The following ADAMTS17 variants were observed in gnomAD, a reference collection of about 807,000 sequenced individuals.
The protein encoded by ADAMTS17 is A disintegrin and metalloproteinase with thrombospondin motifs 17.
ADAMTS17 carries 113 observed loss-of-function variants against 141.5 expected under a neutral mutation model. The observed-to-expected ratio is 0.80, with a 90% confidence interval of 0.69 to 0.93. The LOEUF (loss-of-function observed/expected upper bound fraction) is 0.93, where lower values mean the gene tolerates loss of function less well. ADAMTS17 is among the 40% of genes least tolerant of loss of function. The probability of loss-of-function intolerance (pLI) is 0.00; values close to 1 mark genes in which losing one functional copy is unlikely to be tolerated. For missense variants in ADAMTS17, 1,659 were observed against 1,517.9 expected (o/e 1.09, Z -1.54); for synonymous variants, 768 against 630.6 (o/e 1.22, Z -3.27).
chr15:100,317,602 A>T (rs2045605396), intron 3 of ADAMTS17, among the ~76,000 whole-genome samples: 1 of 152,140 alleles, frequency 6.6e-6, no homozygotes, highest in Non-Finnish European at 1.5e-5. Context: ...CACGCAAGAA[A>T]CACCATGCGA....
chr15:100,161,131 C>A (rs60130886), intron 8 of ADAMTS17, among the ~76,000 whole-genome samples: 1 of 152,168 alleles, frequency 6.6e-6, no homozygotes, highest in Admixed American at 6.5e-5. Context: ...ATGGCCTTGA[C>A]TTGATTTTAT....
intron 20 of ADAMTS17, among the ~76,000 whole-genome samples, chr15:99,981,088 G>C (rs2060474482): frequency 1.3e-5 from 2 of 152,204 alleles, no homozygotes; most frequent in Admixed American, 1.3e-4. Context: ...GAGTGGTCCA[G>C]GGACCCCATC....
intron 14 of ADAMTS17, among the ~76,000 whole-genome samples, chr15:100,100,326 T>C (rs1422916148): frequency 6.6e-6 from 1 of 152,162 alleles, no homozygotes; most frequent in Non-Finnish European, 1.5e-5. Context: ...TTCCGATTTT[T>C]CATTTTCTTG....
intron 7 of ADAMTS17, among the ~76,000 whole-genome samples, chr15:100,234,793 G>A (rs1053286049): frequency 6.6e-6 from 1 of 152,184 alleles, no homozygotes; most frequent in Non-Finnish European, 1.5e-5. Flanking sequence ...ATCAGCAGCT[G>A]AGCCAGGGTG....
chr15:100,043,926 G>A (rs944801901), intron 18 of ADAMTS17, among the ~76,000 whole-genome samples: 4 of 152,210 alleles, frequency 2.6e-5, no homozygotes, highest in Admixed American at 6.5e-5. Context: ...GTTATCTATC[G>A]TAGGCTTAGC....
intron 7 of ADAMTS17, among the ~76,000 whole-genome samples, chr15:100,231,216 T>C (rs1441210826): frequency 6.6e-6 from 1 of 152,258 alleles, no homozygotes; most frequent in Non-Finnish European, 1.5e-5. Context: ...CTTCAAATTC[T>C]GAACTCATGC....
chr15:100,129,835 C>G (rs969149035), intron 12 of ADAMTS17: 1 of 152,314 alleles, frequency 6.6e-6, no homozygotes, highest in Non-Finnish European at 1.5e-5. Context: ...TGTCCGCTCC[C>G]TCTAGTGGGC....
At chr15:100,137,397 A>G (rs558868581) in intron 10 of ADAMTS17, among the ~76,000 whole-genome samples, 28 of 152,172 alleles carry the variant, frequency 1.8e-4, no homozygotes, top group Non-Finnish European at 3.2e-4. Context: ...GAAAACTGAG[A>G]TATAAGAACT....
At chr15:100,047,538 C>T (rs558424450) in intron 18 of ADAMTS17, among the ~76,000 whole-genome samples, 23 of 151,998 alleles carry the variant, frequency 1.5e-4, no homozygotes, top group Admixed American at 2.6e-4. Flanking sequence ...AGCCAGCCGA[C>T]GCTTAGGGAA....
chr15:99,981,640 C>G (rs1414066466), intron 20 of ADAMTS17, among the ~76,000 whole-genome samples: 2 of 152,194 alleles, frequency 1.3e-5, no homozygotes, highest in African/African-American at 4.8e-5. Context: ...TGTACAGAAA[C>G]CACCCCGTTT....
At chr15:100,065,082 G>T (rs2033419944) in intron 15 of ADAMTS17, among the ~76,000 whole-genome samples, 1 of 152,012 alleles carries the variant, frequency 6.6e-6, no homozygotes, top group African/African-American at 2.4e-5. Flanking sequence ...CAATAAAATG[G>T]ATTTATTTTT....
chr15:100,163,356 C>T (rs960410441), intron 8 of ADAMTS17, among the ~76,000 whole-genome samples: 1 of 152,148 alleles, frequency 6.6e-6, no homozygotes, highest in Non-Finnish European at 1.5e-5. Context: ...GCCATGTATC[C>T]ACCCTTCTCT....
rs2141695765 is a variant in ADAMTS17, at chr15:100,067,362, T to A, written c.2138-13308A>T. On this transcript the variant is annotated intron_variant, in intron 15 of 21. Transcript: ENST00000268070. ...CAGCCATCATTCTAAGTGTCGTTCC[T>A]TTCTAAGTAGCCTATCTGTCTCAGC... 1.3e-5 allele frequency among the ~76,000 whole-genome samples: 2 copies of A among 152,378 alleles called. 1 individual carries two copies. Among genetic ancestry groups the A allele is most frequent in the South Asian group, 4.1e-4 (2 of 4,832 alleles).
chr15:100,208,923 C>G (rs930061925), intron 7 of ADAMTS17, among the ~76,000 whole-genome samples: 1 of 152,086 alleles, frequency 6.6e-6, no homozygotes, highest in Non-Finnish European at 1.5e-5. Flanking sequence ...TTACCTGTAT[C>G]ACTCGTATTT....
intron 20 of ADAMTS17, 109 bp downstream of exon 20, chr15:99,992,939 T>TA (rs1311505991): frequency 7.1e-7 from 1 of 1,407,448 alleles, no homozygotes; most frequent in Non-Finnish European, 9.9e-7. Flanking sequence ...TTTGCCTAGT[T>TA]ACGCTGGGAC....
intron 3 of ADAMTS17, among the ~76,000 whole-genome samples, chr15:100,314,519 TAAAG>T (rs1013788838): frequency 2.6e-5 from 4 of 152,070 alleles, no homozygotes; most frequent in Admixed American, 2.0e-4. Context: ...GAGAACACCA[TAAAG>T]AGAGAAAAAT....
At chr15:100,056,261 T>C (rs879389058) in intron 15 of ADAMTS17, among the ~76,000 whole-genome samples, 3 of 152,260 alleles carry the variant, frequency 2.0e-5, no homozygotes, top group South Asian at 2.1e-4. Flanking sequence ...GTTTAGAAAA[T>C]TGTCTCTTGC....
intron 10 of ADAMTS17, among the ~76,000 whole-genome samples, chr15:100,147,214 C>G (rs1359306692): frequency 6.6e-6 from 1 of 152,084 alleles, no homozygotes; most frequent in Non-Finnish European, 1.5e-5. Context: ...TTAAAAATTT[C>G]TCTCTTTTGT....
chr15:100,022,259 G>A (rs1175466939), intron 18 of ADAMTS17, among the ~76,000 whole-genome samples: 1 of 152,186 alleles, frequency 6.6e-6, no homozygotes, highest in Non-Finnish European at 1.5e-5. Context: ...CAGTCCAGGA[G>A]CTGCGTGCAC....
Sources: gnomAD v4.1 joint callset for allele counts (sites outside exome capture counted in the v4.1 genomes callset) on GRCh38, gnomAD v4.1.1 for gene constraint, MANE v1.5 for transcripts, NCBI Gene and HGNC (gene_info 2026-07-23, HGNC 2026-07-21) for gene names.